PLD5: variants seen among roughly 807,000 people sequenced by gnomAD.
PLD5 encodes the protein phospholipase D family member 5.
In PLD5, 36 loss-of-function variants were observed where a neutral mutation model predicts 61.1. That is an observed-to-expected ratio of 0.59 (90% CI 0.45 to 0.78). PLD5 has a LOEUF of 0.78. Ranked by LOEUF, PLD5 falls within the 30% of genes least tolerant of loss-of-function variation. The pLI is 0.00. For synonymous variants in PLD5, 243 were observed against 242.8 expected, an observed-to-expected ratio of 1.00 and a Z score of -0.01; for missense variants, 515 against 644.4, an observed-to-expected ratio of 0.80 and a Z score of 2.17.
intron 3 of PLD5, among the ~76,000 whole-genome samples, chr1:242,270,181 G>A (rs563951947): frequency 6.0e-5 from 9 of 151,168 alleles, no homozygotes; most frequent in Admixed American, 4.6e-4. Flanking sequence ...AAAGGTAAGC[G>A]AAACCTCTCC....
At chr1:242,337,352 C>G (rs1182081595) in intron 2 of PLD5, among the ~76,000 whole-genome samples, 1 of 77,792 alleles carries the variant, frequency 1.3e-5, no homozygotes, top group Middle Eastern at 6.8e-3. Context: ...GCAAATCGGC[C>G]AGGTGTGATG....
intron 2 of PLD5, among the ~76,000 whole-genome samples, chr1:242,345,133 G>GA (rs1660055700): frequency 1.3e-5 from 2 of 152,144 alleles, no homozygotes; most frequent in Non-Finnish European, 2.9e-5. Context: ...TTTGAATGGG[G>GA]CACAGCCAAA....
intron 1 of PLD5, among the ~76,000 whole-genome samples, chr1:242,395,025 G>GTATATATGAATATATGAA (rs1663454444): frequency 6.4e-5 from 4 of 62,094 alleles, no homozygotes; most frequent in South Asian, 5.9e-4. Flanking sequence ...GAATATATAT[G>GTATATATGAATATATGAA]TATATATGAA....
At chr1:242,149,451 C>T (rs916776115) in intron 5 of PLD5, among the ~76,000 whole-genome samples, 3 of 150,716 alleles carry the variant, frequency 2.0e-5, no homozygotes, top group Admixed American at 2.0e-4. Context: ...ATGTGTTTGT[C>T]TCATTTTGGT....
intron 4 of PLD5, among the ~76,000 whole-genome samples, chr1:242,232,696 A>G (rs1392786900): frequency 1.3e-5 from 2 of 152,018 alleles, no homozygotes; most frequent in Non-Finnish European, 2.9e-5. Context: ...TACAAAAATG[A>G]GATGGGCAAG....
intron 5 of PLD5, among the ~76,000 whole-genome samples, chr1:242,142,378 T>C (rs1235634346): frequency 6.6e-6 from 1 of 152,250 alleles, no homozygotes; most frequent in Non-Finnish European, 1.5e-5. Context: ...CCTTCTCAAA[T>C]AGTCTACATA....
At chr1:242,422,584 A>G (rs1238897251) in intron 1 of PLD5, among the ~76,000 whole-genome samples, 1 of 152,166 alleles carries the variant, frequency 6.6e-6, no homozygotes, top group Non-Finnish European at 1.5e-5. Context: ...AATGGAGTTG[A>G]ATTTTTCCAC....
chr1:242,500,451 G>C (rs1668517485), intron 1 of PLD5, among the ~76,000 whole-genome samples: 1 of 152,140 alleles, frequency 6.6e-6, no homozygotes, highest in Non-Finnish European at 1.5e-5. Flanking sequence ...CAAGACATTT[G>C]CTAGGATACG....
chr1:242,446,099 G>C (rs556878626), intron 1 of PLD5, among the ~76,000 whole-genome samples: 16 of 151,954 alleles, frequency 1.1e-4, no homozygotes, highest in Admixed American at 8.5e-4. Context: ...AATTAAAAAG[G>C]TTTTAAAATT....
chr1:242,385,085 A>G (rs1662522728), intron 1 of PLD5, among the ~76,000 whole-genome samples: 1 of 152,202 alleles, frequency 6.6e-6, no homozygotes, highest in Non-Finnish European at 1.5e-5. Flanking sequence ...CACCAACCAA[A>G]TTCGGGACAC....
intron 5 of PLD5, among the ~76,000 whole-genome samples, chr1:242,204,129 G>T (rs1334330335): frequency 6.6e-6 from 1 of 151,656 alleles, no homozygotes; most frequent in Non-Finnish European, 1.5e-5. Flanking sequence ...TGTAGTCCCA[G>T]CTACTCAGGA....
intron 1 of PLD5, among the ~76,000 whole-genome samples, chr1:242,400,707 G>A (rs1400300244): frequency 1.3e-5 from 2 of 151,994 alleles, no homozygotes; most frequent in African/African-American, 2.4e-5. Context: ...CAAGTCCCGG[G>A]ATCTTTTCCC....
chr1:242,274,750 T>C (rs1674318299), intron 3 of PLD5, among the ~76,000 whole-genome samples: 1 of 149,844 alleles, frequency 6.7e-6, no homozygotes. Context: ...CAAGACTCAG[T>C]CTCCAAAAAA....
chr1:242,484,635 G>T, intron 1 of PLD5, among the ~76,000 whole-genome samples: 1 of 152,158 alleles, frequency 6.6e-6, no homozygotes, highest in Non-Finnish European at 1.5e-5. Context: ...GAGGTACAAG[G>T]AGGAGCTGGT....
At position 242,496,685 on chromosome 1, in the gene PLD5, T is replaced by C. The variant is rs550489004; in HGVS notation, c.189+27403A>G. The stretch of plus-strand genomic sequence containing the variant: ...AGAATATGTATACAATTGGTGTCTT[T>C]AGGGATATCTAAAGAAGCTCAGAAC... On this transcript the variant is annotated intron_variant, in intron 1 of 9. Coordinates refer to ENST00000536534, the MANE Select transcript of PLD5 (RefSeq NM_001372062.1). Among the ~76,000 whole-genome samples, 5 of 152,338 alleles carry C rather than the reference T, an allele frequency of 3.3e-5. No individual in the cohort carries two copies. In the South Asian group the frequency reaches 1.0e-3, roughly 32 times the overall value.
At chr1:242,204,180 T>C (rs1003094261) in intron 5 of PLD5, among the ~76,000 whole-genome samples, 3 of 151,986 alleles carry the variant, frequency 2.0e-5, no homozygotes, top group African/African-American at 7.3e-5. Context: ...GAGGCGAAGC[T>C]TGCAGTGAGC....
intron 1 of PLD5, among the ~76,000 whole-genome samples, chr1:242,455,404 G>A (rs145319469): frequency 1.3e-5 from 2 of 152,322 alleles, no homozygotes; most frequent in Non-Finnish European, 2.9e-5. Context: ...ACCGTCCCAA[G>A]TAAGAAGTCT....
intron 2 of PLD5, among the ~76,000 whole-genome samples, chr1:242,318,765 C>G (rs747218438): frequency 6.6e-6 from 1 of 151,722 alleles, no homozygotes; most frequent in African/African-American, 2.4e-5. Context: ...GCTGGGATTA[C>G]GGGCATGAGC....
rs1174303768 is a variant in PLD5, at chr1:242,394,467, CAT to C, written c.190-46227_190-46226del. ...GTGTGTATATGAGTATATATGTGAA[CAT>C]ATATATGTGTATATATGTGAACATA... On this transcript the variant is annotated intron_variant, in intron 1 of 9. Transcript: ENST00000536534. Among the ~76,000 whole-genome samples, 23 of 37,232 alleles carry C rather than the reference CAT, an allele frequency of 6.2e-4. 7 individuals carry two copies. The highest frequency in any genetic ancestry group is 2.4e-3 in the South Asian group (2 of 834). 24.4% of individuals were successfully genotyped at this position (37,232 alleles called of 152,430 possible). A position where few individuals can be genotyped will look rare whatever the true frequency, so the allele number is the denominator to read the frequency against.
Sources: gnomAD v4.1 joint callset for allele counts (sites outside exome capture counted in the v4.1 genomes callset) on GRCh38, gnomAD v4.1.1 for gene constraint, MANE v1.5 for transcripts, NCBI Gene and HGNC (gene_info 2026-07-23, HGNC 2026-07-21) for gene names.